SNX29: variants seen among roughly 807,000 people sequenced by gnomAD.
SNX29 encodes sorting nexin 29.
SNX29 carries 78 observed loss-of-function variants against 102.1 expected under a neutral mutation model. The observed-to-expected ratio is 0.76, with a 90% confidence interval of 0.64 to 0.92. SNX29 has a LOEUF of 0.92. Among genes scored for constraint, SNX29 ranks in the 40% least tolerant of loss-of-function variants. SNX29 has a pLI of 0.00. For synonymous variants in SNX29, 580 were observed against 414.5 expected (o/e 1.40, Z -4.85); for missense variants, 1,280 against 1,061.7 (o/e 1.21, Z -2.86).
chr16:12,498,100 T>G (rs1567624717), intron 19 of SNX29, among the ~76,000 whole-genome samples: 1 of 151,986 alleles, frequency 6.6e-6, no homozygotes, highest in African/African-American at 2.4e-5. Context: ...CCACCAGAAT[T>G]GAGTCTTGAG....
At chr16:12,185,575 C>G (rs924345333) in intron 13 of SNX29, among the ~76,000 whole-genome samples, 3 of 152,178 alleles carry the variant, frequency 2.0e-5, no homozygotes, top group African/African-American at 7.2e-5. Flanking sequence ...TCACCTTTCT[C>G]TCTCCCTCTG....
At chr16:12,031,156 T>A (rs547320818) in intron 4 of SNX29, among the ~76,000 whole-genome samples, 1 of 152,188 alleles carries the variant, frequency 6.6e-6, no homozygotes, top group Non-Finnish European at 1.5e-5. Flanking sequence ...CACTGCAGCC[T>A]CTGCCTTCTG....
chr16:12,059,172 A>G (rs572900595), intron 8 of SNX29, among the ~76,000 whole-genome samples: 4 of 152,032 alleles, frequency 2.6e-5, no homozygotes, highest in Non-Finnish European at 5.9e-5. Context: ...GTACTTGCAT[A>G]TGTTGCGGGG....
chr16:12,037,770 A>G (rs2057517140), intron 4 of SNX29, among the ~76,000 whole-genome samples: 1 of 151,760 alleles, frequency 6.6e-6, no homozygotes, highest in Admixed American at 6.6e-5. Context: ...TGAGTAACAT[A>G]GTAAGACCCT....
intron 14 of SNX29, among the ~76,000 whole-genome samples, chr16:12,246,858 A>G (rs1024239046): frequency 2.6e-5 from 4 of 152,086 alleles, no homozygotes; most frequent in African/African-American, 9.7e-5. Flanking sequence ...TTTGTGGAAG[A>G]CATGTTGGAA....
chr16:12,421,139 G>A (rs1860447178), intron 18 of SNX29, among the ~76,000 whole-genome samples: 1 of 152,162 alleles, frequency 6.6e-6, no homozygotes, highest in African/African-American at 2.4e-5. Context: ...TAATAGAGCT[G>A]GGCTTTGCAC....
intron 3 of SNX29, among the ~76,000 whole-genome samples, chr16:12,007,050 G>A (rs946994573): frequency 6.6e-6 from 1 of 151,898 alleles, no homozygotes; most frequent in African/African-American, 2.4e-5. Flanking sequence ...GTGACTAAAT[G>A]GTTTTTGAGG....
intron 17 of SNX29, 48 bp downstream of exon 17, chr16:12,398,549 CTG>C (rs1388842927): frequency 1.9e-6 from 3 of 1,602,402 alleles, no homozygotes; most frequent in Non-Finnish European, 2.6e-6. Flanking sequence ...AAACTGGACT[CTG>C]TTGTTGGCTT....
intron 18 of SNX29, among the ~76,000 whole-genome samples, chr16:12,430,518 G>C (rs1279989060): frequency 6.6e-6 from 1 of 152,206 alleles, no homozygotes; most frequent in Non-Finnish European, 1.5e-5. Flanking sequence ...ATAGCCTTGG[G>C]CAAGTTAACA....
intron 3 of SNX29, among the ~76,000 whole-genome samples, chr16:12,015,685 G>A (rs1336247102): frequency 3.3e-5 from 5 of 149,866 alleles, no homozygotes; most frequent in African/African-American, 1.2e-4. Context: ...ACACGCGCCC[G>A]CCACCGTGCC....
intron 18 of SNX29, among the ~76,000 whole-genome samples, chr16:12,469,526 A>G (rs1231462258): frequency 2.6e-5 from 4 of 152,194 alleles, no homozygotes; most frequent in Admixed American, 6.5e-5. Flanking sequence ...TCTGCATTCA[A>G]CAGTCAGCAT....
chr16:12,198,162 G>A (rs984714133), intron 13 of SNX29, among the ~76,000 whole-genome samples: 5 of 152,126 alleles, frequency 3.3e-5, no homozygotes, highest in Admixed American at 6.5e-5. Flanking sequence ...GATTGTCAAA[G>A]CATGGAGGAA....
At chr16:11,980,191 G>A (rs552896679) in intron 1 of SNX29, among the ~76,000 whole-genome samples, 1 of 152,140 alleles carries the variant, frequency 6.6e-6, no homozygotes, top group South Asian at 2.1e-4. Flanking sequence ...CTCAGACCCT[G>A]GGAACCACTC....
intron 18 of SNX29, among the ~76,000 whole-genome samples, chr16:12,411,774 A>G (rs1385230701): frequency 6.6e-6 from 1 of 152,164 alleles, no homozygotes; most frequent in African/African-American, 2.4e-5. Context: ...GAGGGACGGG[A>G]CACCACTCAC....
intron 18 of SNX29, among the ~76,000 whole-genome samples, chr16:12,463,060 A>G (rs2086877759): frequency 6.6e-6 from 1 of 151,852 alleles, no homozygotes; most frequent in Non-Finnish European, 1.5e-5. Context: ...GCCCCTTGTG[A>G]TTTTCTCTGT....
intron 9 of SNX29, among the ~76,000 whole-genome samples, chr16:12,062,625 C>A (rs2050826772): frequency 6.6e-6 from 1 of 152,108 alleles, no homozygotes; most frequent in Non-Finnish European, 1.5e-5. Context: ...CAGAACACCG[C>A]TGGGTCAGAG....
Position 12,568,794 on chromosome 16 carries a change from C to T in SNX29, c.*165C>T, listed in dbSNP as rs1363214738. 9.1e-6 allele frequency: 10 copies of T among 1,102,968 alleles called. No homozygotes were observed. The highest frequency in any genetic ancestry group is 3.3e-5 in the South Asian group (2 of 61,450). 68.3% of individuals were successfully genotyped at this position (1,102,968 alleles called of 1,614,324 possible). ...CAACACCCCGATTAAACTAATCAGT[C>T]TTCGAGCCGCATGATACCGTGACCC... is the stretch of plus-strand genomic sequence containing the variant. On this transcript the variant is annotated 3_prime_UTR_variant, in exon 21 of 21. Coordinates refer to ENST00000566228, the MANE Select transcript of SNX29 (RefSeq NM_032167.5).
intron 16 of SNX29, among the ~76,000 whole-genome samples, chr16:12,397,886 T>C (rs1171271173): frequency 6.6e-6 from 1 of 152,110 alleles, no homozygotes; most frequent in Non-Finnish European, 1.5e-5. Flanking sequence ...GTACTGGTGG[T>C]GGGGTCCACC....
Position 12,126,658 on chromosome 16 carries a change from C to T in SNX29, c.1428C>T (p.Ala476=). Residue 476 remains alanine, a synonymous_variant, in exon 12 of 21, where the codon GCC becomes GCT. Transcript: ENST00000566228. ...GTGAACTGCGCCAGGCCACTGTGGC[C>T]ATGATGAACAGGAAGGATGAGCTGG... ...TISELRQATV[A]MMNRKDELEE... 3.7e-6 allele frequency: 6 copies of T among 1,613,970 alleles called. No homozygotes were observed. The highest frequency in any genetic ancestry group is 5.1e-6 in the Non-Finnish European group (6 of 1,179,884).
Sources: allele counts gnomAD v4.1 joint callset (sites outside exome capture counted in the v4.1 genomes callset), GRCh38; gene constraint gnomAD v4.1.1; transcripts MANE v1.5; gene names NCBI Gene and HGNC (gene_info 2026-07-23, HGNC 2026-07-21).